Variants in VPS13B observed in about 807,000 individuals in gnomAD.
VPS13B encodes the protein intermembrane lipid transfer protein VPS13B.
In VPS13B, 285 loss-of-function variants were observed where a neutral mutation model predicts 426.4. The ratio of observed to expected loss-of-function variants is 0.67; its 90% CI spans 0.61 to 0.74. The LOEUF (loss-of-function observed/expected upper bound fraction) is 0.74. VPS13B is among the 30% of genes least tolerant of loss of function. The pLI is 0.00. For missense variants in VPS13B, 4,537 were observed against 4,782.6 expected (o/e 0.95, Z 1.51); for synonymous variants, 1,676 against 1,676.4 (o/e 1.00, Z 0.01).
At chr8:99,096,211 T>C (rs1230210497) in intron 3 of VPS13B, 101 bp from the exon 4 acceptor site, 22 of 1,328,046 alleles carry the variant, frequency 1.7e-5, no homozygotes, top group Non-Finnish European at 2.3e-5. Context: ...GTTGATCTTA[T>C]CTCCTGTAGC....
At chr8:99,324,548 G>A (rs1324332621) in intron 19 of VPS13B, among the ~76,000 whole-genome samples, 8 of 152,136 alleles carry the variant, frequency 5.3e-5, no homozygotes, top group African/African-American at 2.4e-5. Flanking sequence ...TATCAAAGCA[G>A]CTCTGCCTTT....
intron 55 of VPS13B, among the ~76,000 whole-genome samples, chr8:99,850,374 CT>C (rs1357953555): frequency 6.7e-6 from 1 of 148,172 alleles, no homozygotes; most frequent in Non-Finnish European, 1.5e-5. Context: ...CATGTATGTA[CT>C]TATACATACA....
chr8:99,099,537 C>CT (rs1846615569), intron 4 of VPS13B, among the ~76,000 whole-genome samples: 1 of 152,072 alleles, frequency 6.6e-6, no homozygotes, highest in Admixed American at 6.5e-5. Context: ...AAGATACAGT[C>CT]TTTTTTCTCT....
At chr8:99,497,773 G>A (rs191354472) in intron 25 of VPS13B, among the ~76,000 whole-genome samples, 26 of 152,108 alleles carry the variant, frequency 1.7e-4, no homozygotes, top group African/African-American at 5.5e-4. Flanking sequence ...GCAAACAACC[G>A]TTTAGATAGT....
intron 34 of VPS13B, among the ~76,000 whole-genome samples, chr8:99,650,903 T>C (rs1204284823): frequency 6.6e-6 from 1 of 152,184 alleles, no homozygotes; most frequent in Non-Finnish European, 1.5e-5. Flanking sequence ...TACAGACTTT[T>C]TTTCTTATTA....
chr8:99,051,347 C>T (rs749137905), intron 3 of VPS13B, among the ~76,000 whole-genome samples: 52 of 152,136 alleles, frequency 3.4e-4, no homozygotes, highest in Admixed American at 1.4e-3. Context: ...TGTAGATATG[C>T]GGCATTATTT....
At chr8:99,410,995 G>T (rs188721308) in intron 21 of VPS13B, among the ~76,000 whole-genome samples, 70 of 152,256 alleles carry the variant, frequency 4.6e-4, no homozygotes, top group African/African-American at 1.6e-3. Flanking sequence ...CCAAGTCTTT[G>T]CTGTTGTGAA....
At chr8:99,149,204 A>G (rs1390100230) in intron 14 of VPS13B, among the ~76,000 whole-genome samples, 2 of 152,250 alleles carry the variant, frequency 1.3e-5, no homozygotes, top group Non-Finnish European at 2.9e-5. Context: ...TTTTGCATGT[A>G]TTAGGAACTG....
intron 19 of VPS13B, among the ~76,000 whole-genome samples, chr8:99,353,076 G>A (rs1386819464): frequency 2.0e-5 from 3 of 151,824 alleles, no homozygotes; most frequent in Non-Finnish European, 4.4e-5. Context: ...CCGCCTCCTA[G>A]ATTCAAGCAA....
chr8:99,504,523 T>C (rs1274653384), intron 27 of VPS13B, among the ~76,000 whole-genome samples: 1 of 152,200 alleles, frequency 6.6e-6, no homozygotes, highest in Admixed American at 6.5e-5. Flanking sequence ...ATATCTCCAT[T>C]GGAACTCTTC....
Position 99,467,647 on chromosome 8 carries a change from G to T in VPS13B, c.3666+13G>T. ...CTCTAATCCCCAGGTTGGTACATTT[G>T]ATTTATGAAAGGAAATTTAAAGTAA... On this transcript the variant is annotated intron_variant, in intron 24 of 61. Coordinates refer to ENST00000357162, the MANE Select transcript of VPS13B (RefSeq NM_152564.5). 1.2e-6 allele frequency: 2 copies of T among 1,605,062 alleles called. No individual in the cohort carries two copies. The highest frequency in any genetic ancestry group is 1.1e-5 in the South Asian group (1 of 90,936).
chr8:99,092,467 CTG>C (rs946262928), intron 3 of VPS13B, among the ~76,000 whole-genome samples: 5 of 152,088 alleles, frequency 3.3e-5, no homozygotes, highest in Non-Finnish European at 7.4e-5. Flanking sequence ...TGAACGAAAA[CTG>C]TGTAATGGTC....
chr8:99,061,422 A>C (rs1054983567), intron 3 of VPS13B, among the ~76,000 whole-genome samples: 2 of 151,286 alleles, frequency 1.3e-5, no homozygotes, highest in Non-Finnish European at 2.9e-5. Context: ...TTCTATGGAC[A>C]GATTATAGTG....
chr8:99,316,123 T>C (rs922107166), intron 19 of VPS13B, among the ~76,000 whole-genome samples: 4 of 152,152 alleles, frequency 2.6e-5, no homozygotes, highest in Admixed American at 2.6e-4. Context: ...TCAGTGTCAG[T>C]GGTGTAGGCT....
chr8:99,718,064 AT>A lies in VPS13B; in HGVS notation c.6657+704del, dbSNP rs1004030955. On this transcript the variant is annotated intron_variant, in intron 37 of 61. Transcript: ENST00000357162. ...ACTAGGAGTGGAATTGCCGGGTTGA[AT>A]TTTTTTTTTTTTATGGGTAGACTTT... Among the ~76,000 whole-genome samples the A allele has an allele frequency of 7.7e-3, 1,122 of 144,848 alleles. 7 individuals are homozygous for A. Among genetic ancestry groups the A allele is most frequent in the African/African-American group, 0.023 (927 of 39,962 alleles).
chr8:99,158,895 G>T (rs1811501771), intron 15 of VPS13B, among the ~76,000 whole-genome samples: 1 of 152,128 alleles, frequency 6.6e-6, no homozygotes, highest in Non-Finnish European at 1.5e-5. Context: ...TGACTCTGGG[G>T]TCTTATTATT....
intron 27 of VPS13B, among the ~76,000 whole-genome samples, chr8:99,504,380 A>C (rs1821391175): frequency 6.6e-6 from 1 of 152,224 alleles, no homozygotes; most frequent in Non-Finnish European, 1.5e-5. Flanking sequence ...TAGCAATGCA[A>C]AATGGACTAA....
chr8:99,324,995 T>G (rs1810166565), intron 19 of VPS13B, among the ~76,000 whole-genome samples: 1 of 152,192 alleles, frequency 6.6e-6, no homozygotes. Flanking sequence ...ATCATTCTCA[T>G]TTTCATTGAG....
chr8:99,654,026 A>G (rs774532427), intron 34 of VPS13B, among the ~76,000 whole-genome samples: 2 of 150,872 alleles, frequency 1.3e-5, no homozygotes, highest in Non-Finnish European at 3.0e-5. Flanking sequence ...TTGGATGATG[A>G]TGATGATTAT....
Sources: allele counts gnomAD v4.1 joint callset (sites outside exome capture counted in the v4.1 genomes callset), GRCh38; gene constraint gnomAD v4.1.1; transcripts MANE v1.5; gene names NCBI Gene and HGNC (gene_info 2026-07-23, HGNC 2026-07-21).